Variants in SSU72 observed in about 807,000 individuals in gnomAD.
SSU72 encodes the protein SSU72 homolog, RNA polymerase II CTD phosphatase.
Under a neutral mutation model 22.7 loss-of-function variants are expected in SSU72, and 12 were observed. The observed-to-expected ratio is 0.53, with a 90% confidence interval of 0.34 to 0.86. The LOEUF (loss-of-function observed/expected upper bound fraction) is 0.86. SSU72 is among the 40% of genes least tolerant of loss of function. SSU72 has a pLI of 0.02. For synonymous variants in SSU72, 116 were observed against 98.3 expected, an observed-to-expected ratio of 1.18 and a Z score of -1.06; for missense variants, 151 against 249.8, an observed-to-expected ratio of 0.60 and a Z score of 2.67.
intron 2 of SSU72, chr1:1,546,071 C>T (rs1028676890): frequency 1.3e-5 from 2 of 152,328 alleles, no homozygotes; most frequent in Non-Finnish European, 2.9e-5. Flanking sequence ...TGCCTGGCCT[C>T]AGGGGTTCCC....
Position 1,542,125 on chromosome 1 carries a change from G to A in SSU72, c.526C>T (p.Leu176=). Residue 176 remains leucine, a synonymous_variant, in exon 5 of 5, where the codon CTG becomes TTG. Transcript: ENST00000291386. The surrounding 1 kb of genome is among the most constrained non-coding windows in gnomAD (Gnocchi z 4.4). ...CCACTCTTCTCCTCGAACTCCTGCA[G>A]CAGCTCGTCGATCTCGTTCTCCATG... ...EDMENEIDEL[L]QEFEEKSGRT... The A allele has an allele frequency of 2.5e-6, 4 of 1,595,472 alleles. No homozygotes were observed. The South Asian group carries it at 3.4e-5, about 14-fold the overall frequency.
At chr1:1,550,297 T>C (rs1642441295) in intron 2 of SSU72, among the ~76,000 whole-genome samples, 1 of 151,082 alleles carries the variant, frequency 6.6e-6, no homozygotes, top group African/African-American at 2.4e-5. Flanking sequence ...CGGCTGGGGG[T>C]AGCTGGTGCC....
Position 1,544,851 on chromosome 1 carries a change from C to G in SSU72, c.364+12G>C, listed in dbSNP as rs749660032. ...TGCTGGAGCCCAGCCCAGCACGCAG[C>G]CGCCTCCTCACCTTCCACCACCTGG... is the stretch of plus-strand genomic sequence containing the variant. On this transcript the variant is annotated intron_variant, in intron 3 of 4. Transcript: ENST00000291386. 1 of 1,614,090 alleles carries G rather than the reference C, an allele frequency of 6.2e-7. No individual in the cohort carries two copies. The highest frequency in any genetic ancestry group is 2.2e-5 in the East Asian group (1 of 44,880).
At chr1:1,568,494 C>T (rs1006632257) in intron 1 of SSU72, among the ~76,000 whole-genome samples, 4 of 151,820 alleles carry the variant, frequency 2.6e-5, no homozygotes, top group Admixed American at 6.6e-5. Flanking sequence ...ATCCCAGTTA[C>T]TCCGGAGGCT....
intron 2 of SSU72, among the ~76,000 whole-genome samples, chr1:1,556,231 G>A (rs565609170): frequency 4.6e-5 from 7 of 152,356 alleles, no homozygotes; most frequent in Non-Finnish European, 1.0e-4. Context: ...AGGAGATGGA[G>A]ACCATCCTGG....
At chr1:1,560,416 C>A (rs1642574001) in intron 2 of SSU72, among the ~76,000 whole-genome samples, 1 of 152,210 alleles carries the variant, frequency 6.6e-6, no homozygotes, top group Non-Finnish European at 1.5e-5. Flanking sequence ...CAGGCTGGAA[C>A]TGCAGGCGTG....
chr1:1,548,839 C>T (rs1394063275), intron 2 of SSU72, among the ~76,000 whole-genome samples: 2 of 152,152 alleles, frequency 1.3e-5, no homozygotes, highest in East Asian at 1.9e-4. Context: ...TGGCCAATCC[C>T]GAGAGGCCAC....
intron 2 of SSU72, among the ~76,000 whole-genome samples, chr1:1,553,141 C>G (rs571904545): frequency 6.6e-6 from 1 of 152,040 alleles, no homozygotes; most frequent in Non-Finnish European, 1.5e-5. Flanking sequence ...GAAAGCCGGT[C>G]TCTGCACTGT....
At chr1:1,565,352 G>A (rs1570397588) in intron 1 of SSU72, among the ~76,000 whole-genome samples, 1 of 152,184 alleles carries the variant, frequency 6.6e-6, no homozygotes, top group African/African-American at 2.4e-5. Context: ...CAGCCTGGGC[G>A]ACAGGCTGTA....
intron 2 of SSU72, among the ~76,000 whole-genome samples, chr1:1,560,380 AACTGAGCC>A (rs1416897942): frequency 6.6e-6 from 1 of 151,098 alleles, no homozygotes; most frequent in Non-Finnish European, 1.5e-5. Context: ...TCCTGGGCTC[AACTGAGCC>A]TCCTGCCTCG....
chr1:1,574,419 G>GGA, intron 1 of SSU72, 59 bp downstream of exon 1: 2 of 1,527,122 alleles, frequency 1.3e-6, no homozygotes, highest in Non-Finnish European at 1.8e-6. Flanking sequence ...GGGAACCGGG[G>GGA]AGGAGGGAGG....
At chr1:1,548,208 G>A (rs774401337) in intron 2 of SSU72, among the ~76,000 whole-genome samples, 1 of 152,156 alleles carries the variant, frequency 6.6e-6, no homozygotes, top group Non-Finnish European at 1.5e-5. Flanking sequence ...GCCAACACCC[G>A]AAGGCCATGA....
intron 1 of SSU72, among the ~76,000 whole-genome samples, chr1:1,567,105 G>A (rs1642670971): frequency 6.6e-6 from 1 of 152,200 alleles, no homozygotes; most frequent in Non-Finnish European, 1.5e-5. Context: ...AGCCACAAAA[G>A]AACAGACAAG....
intron 2 of SSU72, among the ~76,000 whole-genome samples, chr1:1,553,785 C>G (rs1480322116): frequency 6.6e-5 from 8 of 121,814 alleles, no homozygotes; most frequent in African/African-American, 3.2e-4. Flanking sequence ...GAGCGAGACT[C>G]CGTCTCAAAA....
chr1:1,547,092 G>A (rs576970930), intron 2 of SSU72, among the ~76,000 whole-genome samples: 4 of 152,164 alleles, frequency 2.6e-5, no homozygotes, highest in Admixed American at 6.5e-5. Flanking sequence ...GCCACATGCA[G>A]AGGGGCAGGT....
At chr1:1,555,595 G>A (rs1444916499) in intron 2 of SSU72, among the ~76,000 whole-genome samples, 3 of 152,244 alleles carry the variant, frequency 2.0e-5, no homozygotes, top group African/African-American at 4.8e-5. Flanking sequence ...AGGTGACACC[G>A]ACACGGCTGT....
rs760462934 is a variant in SSU72, at chr1:1,574,549, C to G, written c.9G>C (p.Ser3=). Reference sequence around the variant, plus strand: ...ACACCACCGCCACCCGCAGCGGGGACGACGGCATGGCGGCGGCCGCAAATC... The same window carrying G: ...ACACCACCGCCACCCGCAGCGGGGAGGACGGCATGGCGGCGGCCGCAAATC... The part of the protein sequence containing the change: MP[S]SPLRVAVVCS... The change falls in exon 1 of 5, where the codon TCG becomes TCC. Residue 3 remains serine, a synonymous_variant. Transcript: ENST00000291386. The G allele has an allele frequency of 6.3e-7, 1 of 1,588,360 alleles. No individual in the cohort carries two copies. The highest frequency in any genetic ancestry group is 1.4e-5 in the African/African-American group (1 of 71,538).
intron 2 of SSU72, 147 bp from the exon 3 acceptor site, chr1:1,545,149 T>A: frequency 1.1e-6 from 1 of 920,866 alleles, no homozygotes; most frequent in Non-Finnish European, 1.7e-6. Flanking sequence ...GGCCATGCCC[T>A]GGTGAGGCAG....
chr1:1,559,444 T>G (rs1642558940), intron 2 of SSU72, among the ~76,000 whole-genome samples: 1 of 152,204 alleles, frequency 6.6e-6, no homozygotes, highest in Non-Finnish European at 1.5e-5. Flanking sequence ...GTGCATGATT[T>G]GTACATTTTA....
Sources: gnomAD v4.1 joint callset for allele counts (sites outside exome capture counted in the v4.1 genomes callset) on GRCh38, gnomAD v4.1.1 for gene constraint, Gnocchi (gnomAD v3.1) non-coding constraint, MANE v1.5 for transcripts, NCBI Gene and HGNC (gene_info 2026-07-23, HGNC 2026-07-21) for gene names.